Variants in KCNH8 observed in about 807,000 individuals in gnomAD.
KCNH8 encodes voltage-gated delayed rectifier potassium channel KCNH8.
Under a neutral mutation model 103.6 loss-of-function variants are expected in KCNH8, and 70 were observed. The ratio of observed to expected loss-of-function variants is 0.68; its 90% CI spans 0.56 to 0.82. The LOEUF (loss-of-function observed/expected upper bound fraction) is 0.82. Ranked by LOEUF, KCNH8 falls within the 40% of genes least tolerant of loss-of-function variation. KCNH8 has a pLI of 0.00. For synonymous variants in KCNH8, 498 were observed against 489.4 expected, an observed-to-expected ratio of 1.02 and a Z score of -0.23; for missense variants, 1,217 against 1,329.9, an observed-to-expected ratio of 0.92 and a Z score of 1.32.
chr3:19,314,233 T>C (rs1456057227), intron 3 of KCNH8, among the ~76,000 whole-genome samples: 5 of 151,978 alleles, frequency 3.3e-5, no homozygotes, highest in African/African-American at 9.7e-5. Context: ...AAAGATATGA[T>C]AGTAAATATT....
At chr3:19,342,818 AT>A (rs948727357) in intron 4 of KCNH8, 104 bp downstream of exon 4, 201 of 1,179,936 alleles carry the variant, frequency 1.7e-4, no homozygotes, top group Admixed American at 3.4e-4. Flanking sequence ...GCTTGCCTAG[AT>A]TTTTTTTTCC....
chr3:19,324,124 G>A (rs1197427550), intron 3 of KCNH8, among the ~76,000 whole-genome samples: 1 of 152,082 alleles, frequency 6.6e-6, no homozygotes, highest in East Asian at 1.9e-4. Context: ...CATCCAATGG[G>A]GCAGGGTTAG....
rs542586391 is a variant in KCNH8, at chr3:19,249,400, A to C, written c.77-4254A>C. On this transcript the variant is annotated intron_variant, in intron 1 of 15. Transcript: ENST00000328405. ...AAATCCTCTTTAGAATTGAAATGCA[A>C]TTACACATCGAGGACAAGTGCTAAA... Among the ~76,000 whole-genome samples, 129 of 152,370 alleles carry C rather than the reference A, an allele frequency of 8.5e-4. 1 individual carries two copies. The highest frequency in any genetic ancestry group is 2.9e-3 in the African/African-American group (122 of 41,586).
intron 5 of KCNH8, among the ~76,000 whole-genome samples, chr3:19,381,556 G>C (rs980987987): frequency 3.9e-5 from 6 of 152,064 alleles, no homozygotes; most frequent in African/African-American, 1.4e-4. Flanking sequence ...GCTGGCGGGT[G>C]GGGGAGATTT....
chr3:19,252,435 G>A (rs892706675), intron 1 of KCNH8, among the ~76,000 whole-genome samples: 9 of 151,512 alleles, frequency 5.9e-5, no homozygotes, highest in Non-Finnish European at 1.3e-4. Context: ...TGTTGCCCAG[G>A]CTGGAGTGCA....
chr3:19,287,812 G>A (rs905186528), intron 3 of KCNH8, among the ~76,000 whole-genome samples: 1 of 150,766 alleles, frequency 6.6e-6, no homozygotes, highest in Non-Finnish European at 1.5e-5. Flanking sequence ...TCTCGATCTT[G>A]TGACCTCGTG....
intron 6 of KCNH8, among the ~76,000 whole-genome samples, chr3:19,392,732 T>C (rs990371801): frequency 3.9e-5 from 6 of 152,006 alleles, no homozygotes; most frequent in Non-Finnish European, 7.4e-5. Flanking sequence ...ACGGATCACA[T>C]GCTTTTTGAA....
At chr3:19,477,215 G>A (rs2067995059) in intron 11 of KCNH8, among the ~76,000 whole-genome samples, 1 of 152,090 alleles carries the variant, frequency 6.6e-6, no homozygotes, top group Non-Finnish European at 1.5e-5. Flanking sequence ...ACCCATGCAT[G>A]TGAATGTTGA....
intron 1 of KCNH8, among the ~76,000 whole-genome samples, chr3:19,247,580 G>T (rs2064222502): frequency 6.6e-6 from 1 of 152,126 alleles, no homozygotes; most frequent in African/African-American, 2.4e-5. Flanking sequence ...AAGGATGGAG[G>T]ACTTATATTT....
intron 11 of KCNH8, among the ~76,000 whole-genome samples, chr3:19,478,907 G>T (rs1371763869): frequency 6.6e-6 from 1 of 152,046 alleles, no homozygotes. Context: ...CTAGGTCCCT[G>T]AATCACCTAG....
At position 19,471,502 on chromosome 3, in the gene KCNH8, G is replaced by C. The variant is rs187012406; in HGVS notation, c.2040+14520G>C. Among the ~76,000 whole-genome samples, 274 of 152,258 alleles carry C rather than the reference G, an allele frequency of 1.8e-3. 1 individual carries two copies. Among genetic ancestry groups the C allele is most frequent in the Non-Finnish European group, 3.3e-3 (223 of 68,014 alleles). On this transcript the variant is annotated intron_variant, in intron 11 of 15. Coordinates refer to ENST00000328405, the MANE Select transcript of KCNH8 (RefSeq NM_144633.3). The stretch of plus-strand genomic sequence containing the variant: ...AACAAAGCCACACACTCACGACAAA[G>C]GCTCCATGAAAAGAGGATGATGTAC...
intron 1 of KCNH8, among the ~76,000 whole-genome samples, chr3:19,234,185 C>T (rs1477045766): frequency 6.6e-6 from 1 of 152,218 alleles, no homozygotes; most frequent in African/African-American, 2.4e-5. Flanking sequence ...AAAGGTTCTC[C>T]ACGTCCCTAC....
chr3:19,520,526 TTCC>T (rs1312809927), intron 15 of KCNH8, among the ~76,000 whole-genome samples: 1 of 151,942 alleles, frequency 6.6e-6, no homozygotes, highest in Non-Finnish European at 1.5e-5. Context: ...TATTTTTCTC[TTCC>T]TCATCTTTCT....
At chr3:19,444,102 C>A (rs931293267) in intron 8 of KCNH8, among the ~76,000 whole-genome samples, 1 of 151,884 alleles carries the variant, frequency 6.6e-6, no homozygotes, top group African/African-American at 2.4e-5. Flanking sequence ...TGAAAAAGAA[C>A]AAAATTGGAA....
chr3:19,213,071 C>G (rs1158312958), intron 1 of KCNH8, among the ~76,000 whole-genome samples: 1 of 152,142 alleles, frequency 6.6e-6, no homozygotes, highest in African/African-American at 2.4e-5. Context: ...TGGCTTTGAG[C>G]TTGGAGATCA....
intron 11 of KCNH8, among the ~76,000 whole-genome samples, chr3:19,486,317 C>T (rs1173557856): frequency 2.0e-5 from 3 of 152,224 alleles, no homozygotes; most frequent in Non-Finnish European, 2.9e-5. Flanking sequence ...GGGATTTTCA[C>T]AAAGCAAGCT....
At chr3:19,338,437 A>G (rs1456451695) in intron 3 of KCNH8, among the ~76,000 whole-genome samples, 3 of 152,092 alleles carry the variant, frequency 2.0e-5, no homozygotes, top group East Asian at 1.9e-4. Flanking sequence ...TAATTTTATC[A>G]GGTTTCACTG....
rs910758312 is a variant in KCNH8, at chr3:19,394,991, A to G, written c.970-113A>G. 5 of 747,208 alleles carry G rather than the reference A, an allele frequency of 6.7e-6. No individual in the cohort carries two copies. The African/African-American group carries it at 8.9e-5, about 13-fold the overall frequency. The allele number at this position is 747,208 out of a possible 1,614,324, so 46.3% of individuals were successfully genotyped here. A position where few individuals can be genotyped will look rare whatever the true frequency, so the allele number is the denominator to read the frequency against. ...AGAACAAAGAATTCATAAAAATAAT[A>G]ATATGAAAATAATTATACTTCATTT... On this transcript the variant is annotated intron_variant, in intron 6 of 15. Transcript: ENST00000328405.
At chr3:19,391,373 CTTTTAGGGA>C (rs973054044) in intron 6 of KCNH8, among the ~76,000 whole-genome samples, 2 of 151,926 alleles carry the variant, frequency 1.3e-5, no homozygotes, top group Non-Finnish European at 2.9e-5. Flanking sequence ...TATAAAGAAA[CTTTTAGGGA>C]GGCCATTTGT....
Sources: gnomAD v4.1 joint callset for allele counts (sites outside exome capture counted in the v4.1 genomes callset) on GRCh38, gnomAD v4.1.1 for gene constraint, MANE v1.5 for transcripts, NCBI Gene and HGNC (gene_info 2026-07-23, HGNC 2026-07-21) for gene names.